PLPPR1: variants seen among roughly 807,000 people sequenced by gnomAD.
PLPPR1 encodes the protein phospholipid phosphatase related 1.
Under a neutral mutation model 33.1 loss-of-function variants are expected in PLPPR1, and 10 were observed. The observed-to-expected ratio is 0.30, with a 90% confidence interval of 0.19 to 0.51. The LOEUF is 0.51. Among genes scored for constraint, PLPPR1 ranks in the 20% least tolerant of loss-of-function variants. The pLI is 0.97. For missense variants in PLPPR1, 304 were observed against 408.1 expected, an observed-to-expected ratio of 0.74 and a Z score of 2.20; for synonymous variants, 151 against 151.0, an observed-to-expected ratio of 1.00 and a Z score of 0.00.
chr9:101,263,629 C>G (rs1002977514), intron 2 of PLPPR1, among the ~76,000 whole-genome samples: 1 of 152,128 alleles, frequency 6.6e-6, no homozygotes, highest in South Asian at 2.1e-4. Flanking sequence ...ATTCTGCTGA[C>G]TTATATTTGT....
intron 1 of PLPPR1, among the ~76,000 whole-genome samples, chr9:101,077,610 G>A (rs1210685846): frequency 6.6e-6 from 1 of 152,146 alleles, no homozygotes; most frequent in Non-Finnish European, 1.5e-5. Context: ...ACCTGTGAGG[G>A]GGTAGGAAGC....
intron 1 of PLPPR1, among the ~76,000 whole-genome samples, chr9:101,161,369 A>G (rs894475492): frequency 2.3e-4 from 35 of 152,134 alleles, no homozygotes; most frequent in African/African-American, 8.2e-4. Flanking sequence ...AATAAGCACA[A>G]CTGTTCACTG....
At chr9:101,175,700 A>G (rs1826009025) in intron 1 of PLPPR1, among the ~76,000 whole-genome samples, 1 of 152,224 alleles carries the variant, frequency 6.6e-6, no homozygotes, top group Non-Finnish European at 1.5e-5. Context: ...GTGAATGAAT[A>G]AATTATATGG....
At chr9:101,308,762 G>T (rs187024217) in intron 4 of PLPPR1, among the ~76,000 whole-genome samples, 1 of 152,026 alleles carries the variant, frequency 6.6e-6, no homozygotes, top group Non-Finnish European at 1.5e-5. Flanking sequence ...AAGGTATTTC[G>T]TATAGAAGGA....
chr9:101,205,197 G>A (rs1319780160), intron 2 of PLPPR1, among the ~76,000 whole-genome samples: 1 of 152,106 alleles, frequency 6.6e-6, no homozygotes, highest in Non-Finnish European at 1.5e-5. Context: ...ACTTCAGTAT[G>A]CATGAGAATC....
At chr9:101,065,493 G>A (rs924306823) in intron 1 of PLPPR1, among the ~76,000 whole-genome samples, 21 of 152,082 alleles carry the variant, frequency 1.4e-4, no homozygotes, top group African/African-American at 3.6e-4. Context: ...CAAATTCTCT[G>A]TTTTCATTAA....
intron 2 of PLPPR1, among the ~76,000 whole-genome samples, chr9:101,206,063 T>A (rs1171450879): frequency 6.6e-6 from 1 of 152,132 alleles, no homozygotes; most frequent in African/African-American, 2.4e-5. Flanking sequence ...CCCCAAAGAT[T>A]CTGGCAAATG....
chr9:101,154,301 G>T (rs1321595268), intron 1 of PLPPR1, among the ~76,000 whole-genome samples: 1 of 152,094 alleles, frequency 6.6e-6, no homozygotes, highest in East Asian at 1.9e-4. Flanking sequence ...GCTCCTCCTT[G>T]TACCTCTGGT....
chr9:101,244,586 AT>A (rs1419528934), intron 2 of PLPPR1, among the ~76,000 whole-genome samples: 1 of 147,952 alleles, frequency 6.8e-6, no homozygotes, highest in Admixed American at 6.8e-5. Flanking sequence ...TTAAAAAAAA[AT>A]TCAGTCTCTC....
chr9:101,291,291 C>T (rs140747962), intron 4 of PLPPR1, among the ~76,000 whole-genome samples: 6,570 of 152,324 alleles, frequency 0.043, 195 homozygotes, highest in South Asian at 0.11. Context: ...CCGGGAAGCT[C>T]GAACTGGGTG....
chr9:101,174,231 C>T (rs957527089), intron 1 of PLPPR1, among the ~76,000 whole-genome samples: 4 of 152,052 alleles, frequency 2.6e-5, no homozygotes, highest in African/African-American at 7.2e-5. Flanking sequence ...GGGCTTACTT[C>T]GAAGGGTACA....
chr9:101,100,973 T>C (rs759369668), intron 1 of PLPPR1, among the ~76,000 whole-genome samples: 11 of 152,144 alleles, frequency 7.2e-5, no homozygotes, highest in Non-Finnish European at 1.5e-4. Flanking sequence ...TTTGAGCCAG[T>C]GTGCAGTATT....
At chr9:101,276,081 C>T (rs943000257) in intron 3 of PLPPR1, among the ~76,000 whole-genome samples, 15 of 152,236 alleles carry the variant, frequency 9.9e-5, no homozygotes, top group African/African-American at 2.9e-4. Context: ...GTGCAGCTGC[C>T]GAAGCAAAGG....
intron 1 of PLPPR1, among the ~76,000 whole-genome samples, chr9:101,180,416 G>A (rs1437531294): frequency 6.6e-6 from 1 of 150,840 alleles, no homozygotes; most frequent in Non-Finnish European, 1.5e-5. Context: ...AACCACAAAA[G>A]ATCTCAAACA....
chr9:101,247,314 G>A (rs781039495), intron 2 of PLPPR1, among the ~76,000 whole-genome samples: 6 of 151,990 alleles, frequency 3.9e-5, no homozygotes, highest in Non-Finnish European at 1.5e-5. Flanking sequence ...GAAAAAAACA[G>A]AAGCAGCAAC....
At chr9:101,283,650 A>G (rs896391410) in intron 3 of PLPPR1, among the ~76,000 whole-genome samples, 30 of 152,216 alleles carry the variant, frequency 2.0e-4, no homozygotes, top group African/African-American at 7.0e-4. Flanking sequence ...AAATAGACAA[A>G]TGGGATTACA....
chr9:101,315,608 G>A (rs1829037073), intron 6 of PLPPR1, among the ~76,000 whole-genome samples: 1 of 152,156 alleles, frequency 6.6e-6, no homozygotes, highest in Non-Finnish European at 1.5e-5. Flanking sequence ...CTTCCCAATT[G>A]ATGTCAAAAT....
Position 101,286,313 on chromosome 9 carries a change from C to CTATGGT in PLPPR1, c.385+82_385+83insTTATGG, listed in dbSNP as rs1346073269. 17 of 1,353,948 alleles carry CTATGGT rather than the reference C, an allele frequency of 1.3e-5. No individual in the cohort carries two copies. In the African/African-American group the frequency reaches 2.2e-4, roughly 17 times the overall value. The allele number at this position is 1,353,948 out of a possible 1,614,324, so 83.9% of individuals were successfully genotyped here. A position where few individuals can be genotyped will look rare whatever the true frequency, so the allele number is the denominator to read the frequency against. On this transcript the variant is annotated intron_variant, in intron 4 of 7. Coordinates refer to ENST00000374874, the MANE Select transcript of PLPPR1 (RefSeq NM_207299.2). ...AAAGGCAAACACTTGGTAAAATAAA[C>CTATGGT]TATGGAAGTATCAACATTAAAAGCA... is the stretch of plus-strand genomic sequence containing the variant.
intron 2 of PLPPR1, among the ~76,000 whole-genome samples, chr9:101,203,941 T>C (rs1433651871): frequency 1.3e-5 from 2 of 152,032 alleles, no homozygotes; most frequent in African/African-American, 4.8e-5. Flanking sequence ...GAAAGAGTTA[T>C]GTCTTTGTTT....
Sources: gnomAD v4.1 joint callset for allele counts (sites outside exome capture counted in the v4.1 genomes callset) on GRCh38, gnomAD v4.1.1 for gene constraint, MANE v1.5 for transcripts, NCBI Gene and HGNC (gene_info 2026-07-23, HGNC 2026-07-21) for gene names.